Variants in GLRA3 observed in about 807,000 individuals in gnomAD.
The protein encoded by GLRA3 is glycine receptor alpha 3, also known as glycine receptor subunit alpha-3.
In GLRA3, 44 loss-of-function variants were observed where a neutral mutation model predicts 60.4. The observed-to-expected ratio is 0.73, with a 90% CI of 0.57 to 0.94. The LOEUF is 0.94. GLRA3 is among the 40% of genes least tolerant of loss of function. The pLI, the probability that GLRA3 is intolerant of heterozygous loss-of-function variation, is 0.00. For synonymous variants in GLRA3, 223 were observed against 192.9 expected (o/e 1.16, Z -1.29); for missense variants, 508 against 564.6 (o/e 0.90, Z 1.02).
At chr4:174,751,785 C>A (rs2111197390) in intron 3 of GLRA3, among the ~76,000 whole-genome samples, 1 of 151,818 alleles carries the variant, frequency 6.6e-6, no homozygotes, top group South Asian at 2.1e-4. Context: ...CCTGAGGGAG[C>A]AAAAATTGGT....
intron 1 of GLRA3, among the ~76,000 whole-genome samples, chr4:174,815,980 C>T (rs774711039): frequency 3.9e-5 from 6 of 152,152 alleles, no homozygotes; most frequent in Non-Finnish European, 8.8e-5. Flanking sequence ...ATTTTCTGAA[C>T]TTTTATGTTG....
chr4:174,775,248 G>A (rs1245856917), intron 2 of GLRA3, among the ~76,000 whole-genome samples: 2 of 152,048 alleles, frequency 1.3e-5, no homozygotes, highest in Non-Finnish European at 2.9e-5. Flanking sequence ...TAGTGTCTTG[G>A]TGGATAGGAA....
chr4:174,702,278 A>G (rs914017745), intron 5 of GLRA3, among the ~76,000 whole-genome samples: 1 of 152,256 alleles, frequency 6.6e-6, no homozygotes, highest in African/African-American at 2.4e-5. Context: ...GGCTCAGATT[A>G]TCAGCATTTT....
chr4:174,691,662 G>A lies in GLRA3; in HGVS notation c.575-8723C>T, dbSNP rs555687802. ...GCCAGCCTCGGCCTCCCGAGGTGCC[G>A]GGATTGCAGACGGAGTCTGGTTCAC... On this transcript the variant is annotated intron_variant, in intron 5 of 9. Coordinates refer to ENST00000274093, the MANE Select transcript of GLRA3 (RefSeq NM_006529.4). Among the ~76,000 whole-genome samples, 1,416 of 152,336 alleles carry A rather than the reference G, an allele frequency of 9.3e-3. 28 individuals are homozygous for A. The highest frequency in any genetic ancestry group is 0.033 in the African/African-American group (1,352 of 41,598).
At chr4:174,679,135 A>T (rs548727434) in intron 6 of GLRA3, among the ~76,000 whole-genome samples, 104 of 152,130 alleles carry the variant, frequency 6.8e-4, no homozygotes, top group Non-Finnish European at 9.9e-4. Flanking sequence ...ATGGAGACCA[A>T]CCTGGCTAAC....
At chr4:174,820,330 T>C (rs757899867) in intron 1 of GLRA3, among the ~76,000 whole-genome samples, 1 of 152,196 alleles carries the variant, frequency 6.6e-6, no homozygotes, top group African/African-American at 2.4e-5. Context: ...GTTTTGGTTA[T>C]GCCTGGAGTT....
chr4:174,734,498 AT>A (rs1333498531), intron 3 of GLRA3, among the ~76,000 whole-genome samples: 1 of 152,232 alleles, frequency 6.6e-6, no homozygotes, highest in African/African-American at 2.4e-5. Flanking sequence ...AAGTCATTTT[AT>A]AAGAACTATT....
intron 3 of GLRA3, among the ~76,000 whole-genome samples, chr4:174,761,922 T>C (rs1737955795): frequency 6.6e-6 from 1 of 152,130 alleles, no homozygotes; most frequent in Non-Finnish European, 1.5e-5. Flanking sequence ...TATTTTATCT[T>C]TATAATGGAA....
intron 1 of GLRA3, among the ~76,000 whole-genome samples, chr4:174,804,294 G>T (rs1255231966): frequency 6.6e-6 from 1 of 152,140 alleles, no homozygotes; most frequent in Non-Finnish European, 1.5e-5. Flanking sequence ...AAGAATGTCA[G>T]CATGGCTGGA....
chr4:174,776,071 C>T (rs1738585935), intron 2 of GLRA3, among the ~76,000 whole-genome samples: 1 of 152,104 alleles, frequency 6.6e-6, no homozygotes, highest in African/African-American at 2.4e-5. Context: ...GAGCTTTCTG[C>T]TTCCCCTCTG....
At chr4:174,805,021 C>T (rs1424577898) in intron 1 of GLRA3, among the ~76,000 whole-genome samples, 1 of 152,142 alleles carries the variant, frequency 6.6e-6, no homozygotes, top group Non-Finnish European at 1.5e-5. Flanking sequence ...TCCAGATAGC[C>T]TTTTCTATTG....
chr4:174,827,280 T>C (rs1741014668), intron 1 of GLRA3, among the ~76,000 whole-genome samples: 2 of 151,862 alleles, frequency 1.3e-5, no homozygotes, highest in African/African-American at 4.8e-5. Flanking sequence ...CAGAACATGT[T>C]TTAACAAATA....
At chr4:174,778,777 G>A (rs894205166) in intron 2 of GLRA3, among the ~76,000 whole-genome samples, 5 of 152,220 alleles carry the variant, frequency 3.3e-5, no homozygotes, top group African/African-American at 9.6e-5. Context: ...CTTAAAAAAC[G>A]GCGCACCACG....
chr4:174,804,052 T>C (rs1739929905), intron 1 of GLRA3, among the ~76,000 whole-genome samples: 1 of 152,202 alleles, frequency 6.6e-6, no homozygotes, highest in Admixed American at 6.6e-5. Flanking sequence ...CTGGGGTTTA[T>C]ATTGTTTTGT....
At chr4:174,676,967 T>TAATGTCATTGA in intron 7 of GLRA3, 111 bp downstream of exon 7, 1 of 657,198 alleles carries the variant, frequency 1.5e-6, no homozygotes, top group Admixed American at 2.5e-5. Context: ...TAAAAACCAG[T>TAATGTCATTGA]AATGCCATTG....
At position 174,715,585 on chromosome 4, in the gene GLRA3, A is replaced by T. The variant is rs1444923421; in HGVS notation, c.492-15T>A. 2 of 1,217,814 alleles carry T rather than the reference A, an allele frequency of 1.6e-6. No homozygotes were observed. 75.4% of individuals were successfully genotyped at this position (1,217,814 alleles called of 1,614,324 possible). The stretch of plus-strand genomic sequence containing the variant: ...TTAATGTTAATCTGAAAGTCAAAGT[A>T]ATTATTTTTAAAGGAAATTTATGAC... On this transcript the variant is annotated splice_polypyrimidine_tract_variant and intron_variant, in intron 4 of 9. Coordinates refer to ENST00000274093, the MANE Select transcript of GLRA3 (RefSeq NM_006529.4).
At chr4:174,804,712 T>C (rs1413574249) in intron 1 of GLRA3, among the ~76,000 whole-genome samples, 2 of 152,102 alleles carry the variant, frequency 1.3e-5, no homozygotes, top group Non-Finnish European at 2.9e-5. Context: ...AGCAAGAGAA[T>C]AGCTCTCTGC....
At chr4:174,763,366 C>G (rs1212002864) in intron 3 of GLRA3, among the ~76,000 whole-genome samples, 3 of 152,116 alleles carry the variant, frequency 2.0e-5, no homozygotes, top group Non-Finnish European at 4.4e-5. Context: ...TACAGCTTGC[C>G]AAAGCTGGAA....
intron 6 of GLRA3, among the ~76,000 whole-genome samples, 195 bp downstream of exon 6, chr4:174,682,607 C>G (rs11939284): frequency 0.42 from 64,213 of 151,962 alleles, 14,109 homozygotes; most frequent in Middle Eastern, 0.54. Context: ...GCATTACTTT[C>G]GTCTCATACA....
Sources: gnomAD v4.1 joint callset for allele counts (sites outside exome capture counted in the v4.1 genomes callset) on GRCh38, gnomAD v4.1.1 for gene constraint, MANE v1.5 for transcripts, NCBI Gene and HGNC (gene_info 2026-07-23, HGNC 2026-07-21) for gene names.